The following KCNIP1 variants were observed in gnomAD, a reference collection of about 807,000 sequenced individuals.
The protein encoded by KCNIP1 is potassium voltage-gated channel interacting protein 1.
KCNIP1 carries 18 observed loss-of-function variants against 33.0 expected under a neutral mutation model. The observed-to-expected ratio is 0.55, with a 90% CI of 0.38 to 0.81. The LOEUF (loss-of-function observed/expected upper bound fraction) is 0.81. KCNIP1 is among the 30% of genes least tolerant of loss of function. KCNIP1 has a pLI of 0.00. For synonymous variants in KCNIP1, 93 were observed against 98.3 expected (o/e 0.95, Z 0.32); for missense variants, 238 against 271.6 (o/e 0.88, Z 0.87).
rs984544679 is a variant in KCNIP1 at position 170,736,337 on chromosome 5, T to C, written c.*531T>C. ...ATTGGGAGAGCCAGCACCTAACATATGTGGGATAGGACTGAATTATTAAGC... is the reference window on the plus strand; with the variant it reads ...ATTGGGAGAGCCAGCACCTAACATACGTGGGATAGGACTGAATTATTAAGC... On this transcript the variant is annotated 3_prime_UTR_variant, in exon 8 of 8. Coordinates refer to ENST00000328939, the MANE Select transcript of KCNIP1 (RefSeq NM_014592.4). 1 of 154,070 alleles carries C rather than the reference T, an allele frequency of 6.5e-6. No individual in the cohort carries two copies. 9.5% of individuals were successfully genotyped at this position (154,070 alleles called of 1,614,324 possible). A position where few individuals can be genotyped will look rare whatever the true frequency, so the allele number is the denominator to read the frequency against.
At chr5:170,651,357 A>G (rs1433150903) in intron 1 of KCNIP1, among the ~76,000 whole-genome samples, 1 of 152,156 alleles carries the variant, frequency 6.6e-6, no homozygotes. Flanking sequence ...GGGTTCTAGA[A>G]CTTTCTAAAT....
intron 1 of KCNIP1, among the ~76,000 whole-genome samples, chr5:170,388,279 T>G (rs1764567583): frequency 6.6e-6 from 1 of 152,210 alleles, no homozygotes; most frequent in African/African-American, 2.4e-5. Flanking sequence ...TAAATCCTCC[T>G]AAGACCATGC....
intron 1 of KCNIP1, among the ~76,000 whole-genome samples, chr5:170,365,295 C>G (rs948952164): frequency 6.7e-6 from 1 of 149,418 alleles, no homozygotes; most frequent in Admixed American, 7.6e-5. Flanking sequence ...GCACTGCATG[C>G]CCTTTAAAGG....
At chr5:170,518,516 T>C (rs995954575) in intron 1 of KCNIP1, among the ~76,000 whole-genome samples, 1 of 152,188 alleles carries the variant, frequency 6.6e-6, no homozygotes, top group East Asian at 1.9e-4. Context: ...ATTTGTGAAA[T>C]GAAGGGATGA....
At chr5:170,555,695 T>C (rs570013689) in intron 1 of KCNIP1, among the ~76,000 whole-genome samples, 1 of 152,258 alleles carries the variant, frequency 6.6e-6, no homozygotes, top group Non-Finnish European at 1.5e-5. Context: ...AAAACTTCTT[T>C]AAGGAGGTTA....
At chr5:170,530,835 G>A (rs1410612262) in intron 1 of KCNIP1, among the ~76,000 whole-genome samples, 2 of 152,164 alleles carry the variant, frequency 1.3e-5, no homozygotes, top group Admixed American at 6.5e-5. Flanking sequence ...TGGAGGCAGA[G>A]GTGGGGAAAT....
chr5:170,712,999 C>T, intron 1 of KCNIP1: 1 of 860,596 alleles, frequency 1.2e-6, no homozygotes, highest in South Asian at 1.4e-5. Context: ...CTTTCTGTGT[C>T]CTTTGTTAAC....
At chr5:170,681,126 T>G in intron 1 of KCNIP1, 1 of 399,242 alleles carries the variant, frequency 2.5e-6, no homozygotes, top group Non-Finnish European at 4.4e-6. Context: ...GGTGGTCGTG[T>G]GCTCCTCCCT....
chr5:170,689,076 G>T lies in KCNIP1; in HGVS notation c.62-29682G>T, dbSNP rs144464373. Among the ~76,000 whole-genome samples the T allele has an allele frequency of 1.1e-4, 16 of 152,324 alleles. No individual in the cohort carries two copies. In the East Asian group the frequency reaches 3.1e-3, roughly 29 times the overall value. ...TACATGATATGAGTCAGTGTTCAAT[G>T]TCCCTGAAGATTAGGGGAATCAAGC... On this transcript the variant is annotated intron_variant, in intron 1 of 7. Transcript: ENST00000328939.
chr5:170,573,207 C>A (rs138860171), intron 1 of KCNIP1, among the ~76,000 whole-genome samples: 121 of 152,274 alleles, frequency 7.9e-4, no homozygotes, highest in African/African-American at 2.7e-3. Context: ...TGTGGACAGT[C>A]TAGGGTAATA....
chr5:170,632,370 C>A (rs1760082120), intron 1 of KCNIP1, among the ~76,000 whole-genome samples: 1 of 152,250 alleles, frequency 6.6e-6, no homozygotes, highest in African/African-American at 2.4e-5. Context: ...CCAGAAGATT[C>A]TCCTCCAGCC....
chr5:170,493,941 T>C (rs1001002750), intron 1 of KCNIP1, among the ~76,000 whole-genome samples: 2 of 152,218 alleles, frequency 1.3e-5, no homozygotes, highest in African/African-American at 4.8e-5. Flanking sequence ...ACTGCCTCCC[T>C]GGTGCCATCG....
At chr5:170,534,669 C>T (rs763349510) in intron 1 of KCNIP1, among the ~76,000 whole-genome samples, 2 of 151,872 alleles carry the variant, frequency 1.3e-5, no homozygotes. Context: ...CAGGCAGGCA[C>T]CACCATGCCC....
chr5:170,589,814 G>GGTGCGGTGCA (rs70979190), intron 1 of KCNIP1, among the ~76,000 whole-genome samples: 7 of 151,612 alleles, frequency 4.6e-5, no homozygotes, highest in Admixed American at 1.3e-4. Flanking sequence ...GGTGCGGTGC[G>GGTGCGGTGCA]GTGTGGTGTG....
intron 1 of KCNIP1, among the ~76,000 whole-genome samples, chr5:170,564,909 T>C (rs1757154290): frequency 6.6e-6 from 1 of 152,024 alleles, no homozygotes; most frequent in Non-Finnish European, 1.5e-5. Context: ...AAACTGAGGC[T>C]CAGTGAGACT....
chr5:170,452,013 A>G (rs77781574), intron 1 of KCNIP1, among the ~76,000 whole-genome samples: 2,777 of 151,988 alleles, frequency 0.018, 94 homozygotes, highest in African/African-American at 0.063. Flanking sequence ...CATCCTCATA[A>G]GTCCTGCTGA....
chr5:170,671,182 A>G (rs561674476), intron 1 of KCNIP1, among the ~76,000 whole-genome samples: 103 of 152,308 alleles, frequency 6.8e-4, no homozygotes, highest in African/African-American at 2.3e-3. Flanking sequence ...CTTAAAACCC[A>G]TTGTGGCCAG....
intron 1 of KCNIP1, among the ~76,000 whole-genome samples, chr5:170,652,532 G>GAA (rs1561743294): frequency 4.0e-4 from 30 of 75,050 alleles, no homozygotes; most frequent in African/African-American, 1.4e-3. Context: ...AAAGAAAAAA[G>GAA]AAAAGAAAAG....
At chr5:170,645,895 A>AT (rs922190716) in intron 1 of KCNIP1, among the ~76,000 whole-genome samples, 21 of 149,098 alleles carry the variant, frequency 1.4e-4, no homozygotes, top group African/African-American at 4.5e-4. Context: ...ATCTTGAGAA[A>AT]TTAAAAAAAA....
Sources: allele counts gnomAD v4.1 joint callset (sites outside exome capture counted in the v4.1 genomes callset), GRCh38; gene constraint gnomAD v4.1.1; transcripts MANE v1.5; gene names NCBI Gene and HGNC (gene_info 2026-07-23, HGNC 2026-07-21).